VPS41: variants seen among roughly 807,000 people sequenced by gnomAD.
VPS41 encodes the protein VPS41 subunit of HOPS complex.
A neutral mutation model predicts 130.9 loss-of-function variants in VPS41; 85 were observed. That is an observed-to-expected ratio of 0.65 (90% CI 0.55 to 0.78). The LOEUF is 0.78. Ranked by LOEUF, VPS41 falls within the 30% of genes least tolerant of loss-of-function variation. The probability of loss-of-function intolerance (pLI) is 0.00; values close to 1 mark genes in which losing one functional copy is unlikely to be tolerated. For missense variants in VPS41, 874 were observed against 1,018.7 expected (o/e 0.86, Z 1.93); for synonymous variants, 335 against 332.9 (o/e 1.01, Z -0.07).
chr7:38,895,344 T>C (rs1020486323), intron 2 of VPS41, among the ~76,000 whole-genome samples: 5 of 151,642 alleles, frequency 3.3e-5, no homozygotes, highest in African/African-American at 1.2e-4. Flanking sequence ...AATAAAAAAA[T>C]AAAAAAAACA....
chr7:38,837,518 A>AT (rs1299205572), intron 4 of VPS41, among the ~76,000 whole-genome samples: 5 of 152,184 alleles, frequency 3.3e-5, no homozygotes, highest in African/African-American at 1.2e-4. Context: ...CCTTTGGCTG[A>AT]TTTTTGACCT....
At chr7:38,805,527 G>A (rs1170168325) in intron 7 of VPS41, among the ~76,000 whole-genome samples, 2 of 149,948 alleles carry the variant, frequency 1.3e-5, no homozygotes, top group East Asian at 2.0e-4. Flanking sequence ...GTGAGAGTCT[G>A]TCTCAAAAAA....
intron 25 of VPS41, among the ~76,000 whole-genome samples, chr7:38,734,335 C>T (rs958108178): frequency 3.9e-5 from 6 of 152,122 alleles, no homozygotes; most frequent in African/African-American, 1.4e-4. Context: ...ACTTTGTTTC[C>T]TTCCATAGTT....
intron 10 of VPS41, among the ~76,000 whole-genome samples, chr7:38,786,689 T>G (rs1784444489): frequency 6.6e-6 from 1 of 152,144 alleles, no homozygotes; most frequent in Non-Finnish European, 1.5e-5. Context: ...TTACAGAAAT[T>G]TATACTGAAC....
intron 4 of VPS41, among the ~76,000 whole-genome samples, chr7:38,834,112 A>C (rs1199820494): frequency 1.3e-5 from 2 of 152,146 alleles, no homozygotes; most frequent in Non-Finnish European, 2.9e-5. Flanking sequence ...TATTTAAAAA[A>C]AAAAAAAACT....
chr7:38,789,841 G>A lies in VPS41; in HGVS notation c.744C>T (p.Ala248=). 1 of 1,613,672 alleles carries A rather than the reference G, an allele frequency of 6.2e-7. No individual in the cohort carries two copies. Among genetic ancestry groups the A allele is most frequent in the Non-Finnish European group, 8.5e-7 (1 of 1,179,724 alleles). ...VKVCSVKERH[A]SEMRDLPSRY... ...GACTTGGCAAATCCCTCATTTCACT[G>A]GCATGCCGTTCCTTCACTGAGCACA... Residue 248 remains alanine, a synonymous_variant, in exon 10 of 29, where the codon GCC becomes GCT. Transcript: ENST00000310301.
At chr7:38,775,690 G>A (rs1461154775) in intron 11 of VPS41, 2 of 152,056 alleles carry the variant, frequency 1.3e-5, no homozygotes, top group Non-Finnish European at 2.9e-5. Flanking sequence ...CTAGCAACAT[G>A]GGCACCCAGA....
Position 38,765,615 on chromosome 7 carries a change from C to T in VPS41, c.1294G>A (p.Glu432Lys), listed in dbSNP as rs62444122. ...CCAATTTCTTTAAATTTATAAACTT[C>T]ATATTCCCAGAGTGCTGCATTTTTC... is the stretch of plus-strand genomic sequence containing the variant. ...LGKNAALWEY[E>K]VYKFKEIGQL... Residue 432 changes from glutamate to lysine, a missense_variant, in exon 16 of 29, where the codon GAA becomes AAA. Transcript: ENST00000310301. 0.067 allele frequency: 107,042 copies of T among 1,601,688 alleles called. 4,308 individuals are homozygous for T. Among genetic ancestry groups the T allele is most frequent in the Non-Finnish European group, 0.079 (92,969 of 1,176,314 alleles).
chr7:38,770,913 T>G (rs1784141126), intron 14 of VPS41, among the ~76,000 whole-genome samples: 1 of 152,170 alleles, frequency 6.6e-6, no homozygotes, highest in South Asian at 2.1e-4. Flanking sequence ...TTACCTACGA[T>G]TTAGGGAAAC....
Position 38,756,614 on chromosome 7 carries a change from A to C in VPS41, c.1695+224T>G, listed in dbSNP as rs17171457. 7.0e-3 allele frequency among the ~76,000 whole-genome samples: 1,066 copies of C among 152,320 alleles called. 11 individuals carry two copies. Among genetic ancestry groups the C allele is most frequent in the African/African-American group, 0.024 (978 of 41,562 alleles). ...ACACAACTTTAAAAGTTCTCTATCA[A>C]CTTTGAATTGCTTTCACAGAATAAC... On this transcript the variant is annotated intron_variant, in intron 19 of 28. Transcript: ENST00000310301.
intron 7 of VPS41, among the ~76,000 whole-genome samples, chr7:38,810,098 T>A (rs1481891295): frequency 7.0e-6 from 1 of 142,584 alleles, no homozygotes; most frequent in Non-Finnish European, 1.6e-5. Flanking sequence ...AGATGTGCTT[T>A]CTCTTTTTTT....
chr7:38,810,666 T>C (rs986642628), intron 7 of VPS41, among the ~76,000 whole-genome samples: 2 of 152,180 alleles, frequency 1.3e-5, no homozygotes, highest in Non-Finnish European at 2.9e-5. Context: ...GGGTTAAGAA[T>C]GTCTTTATTC....
At chr7:38,822,726 T>C (rs974331667) in intron 5 of VPS41, among the ~76,000 whole-genome samples, 1 of 152,252 alleles carries the variant, frequency 6.6e-6, no homozygotes, top group African/African-American at 2.4e-5. Flanking sequence ...GTTATGTGCA[T>C]GTTCACATTT....
intron 4 of VPS41, among the ~76,000 whole-genome samples, chr7:38,848,334 G>T (rs902971754): frequency 1.3e-5 from 2 of 152,120 alleles, no homozygotes; most frequent in African/African-American, 4.8e-5. Flanking sequence ...AGGAGCTGAG[G>T]GATAGGGAGG....
At chr7:38,806,538 C>A (rs138746085) in intron 7 of VPS41, among the ~76,000 whole-genome samples, 176 of 152,140 alleles carry the variant, frequency 1.2e-3, no homozygotes, top group African/African-American at 4.0e-3. Context: ...TGAGATTACT[C>A]TAAACATTCC....
intron 7 of VPS41, among the ~76,000 whole-genome samples, chr7:38,815,945 C>T (rs199518653): frequency 1.4e-5 from 2 of 141,966 alleles, no homozygotes; most frequent in African/African-American, 5.0e-5. Flanking sequence ...TATATATACA[C>T]ATATATACAC....
At chr7:38,825,874 G>T (rs1785263708) in intron 5 of VPS41, among the ~76,000 whole-genome samples, 1 of 152,186 alleles carries the variant, frequency 6.6e-6, no homozygotes, top group African/African-American at 2.4e-5. Context: ...TTGCCAACCA[G>T]AACACTGGGC....
At position 38,782,209 on chromosome 7, in the gene VPS41, C is replaced by A. The variant is rs200518141; in HGVS notation, c.785-5433G>T. 6.6e-5 allele frequency among the ~76,000 whole-genome samples: 10 copies of A among 152,290 alleles called. No homozygotes were observed. The East Asian group carries it at 1.7e-3, about 26-fold the overall frequency. ...CCTGGCTGCTCCACAGTGTGAGTTGCCAGGGGTAGCTGGGCTGCCCAGCCT... is the reference window on the plus strand; with the variant it reads ...CCTGGCTGCTCCACAGTGTGAGTTGACAGGGGTAGCTGGGCTGCCCAGCCT... On this transcript the variant is annotated intron_variant, in intron 10 of 28. Coordinates refer to ENST00000310301, the MANE Select transcript of VPS41 (RefSeq NM_014396.4).
At chr7:38,757,836 G>A (rs749421492) in intron 18 of VPS41, among the ~76,000 whole-genome samples, 5 of 152,080 alleles carry the variant, frequency 3.3e-5, no homozygotes, top group Admixed American at 1.3e-4. Flanking sequence ...TATCATAAGC[G>A]TCTCGCACAA....
Sources: allele counts gnomAD v4.1 joint callset (sites outside exome capture counted in the v4.1 genomes callset), GRCh38; gene constraint gnomAD v4.1.1; transcripts MANE v1.5; gene names NCBI Gene and HGNC (gene_info 2026-07-23, HGNC 2026-07-21).